The following GRIN2A variants were observed in gnomAD, a reference collection of about 807,000 sequenced individuals.
GRIN2A encodes glutamate receptor ionotropic, NMDA 2A.
GRIN2A carries 22 observed loss-of-function variants against 113.4 expected under a neutral mutation model. The ratio of observed to expected loss-of-function variants is 0.19; its 90% CI spans 0.14 to 0.28. The LOEUF (loss-of-function observed/expected upper bound fraction) is 0.28, where lower values mean the gene tolerates loss of function less well. Ranked by LOEUF, GRIN2A falls within the 10% of genes least tolerant of loss-of-function variation. The probability of loss-of-function intolerance (pLI) is 1.00; values close to 1 mark genes in which losing one functional copy is unlikely to be tolerated. For missense variants in GRIN2A, 1,502 were observed against 1,887.0 expected (o/e 0.80, Z 3.78); for synonymous variants, 827 against 738.4 (o/e 1.12, Z -1.94).
intron 2 of GRIN2A, among the ~76,000 whole-genome samples, chr16:10,092,861 C>CTT (rs33949885): frequency 0.016 from 2,340 of 142,516 alleles, 64 homozygotes; most frequent in African/African-American, 0.057. Context: ...TGAAAAGTTG[C>CTT]TTTTTTTTTT....
intron 4 of GRIN2A, among the ~76,000 whole-genome samples, chr16:9,886,792 T>G (rs2043594568): frequency 6.6e-6 from 1 of 152,228 alleles, no homozygotes; most frequent in East Asian, 1.9e-4. Flanking sequence ...TGGATATTGT[T>G]ATTATAATTG....
chr16:9,847,254 A>G (rs2042789226), intron 5 of GRIN2A, among the ~76,000 whole-genome samples: 1 of 152,160 alleles, frequency 6.6e-6, no homozygotes, highest in Non-Finnish European at 1.5e-5. Flanking sequence ...CTAAATAATT[A>G]TTTTTAAAAA....
intron 3 of GRIN2A, among the ~76,000 whole-genome samples, chr16:9,925,315 T>C (rs114510997): frequency 0.018 from 2,710 of 152,334 alleles, 84 homozygotes; most frequent in African/African-American, 0.062. Flanking sequence ...CTAGTCTGAC[T>C]AGCGGCTAAC....
chr16:9,940,739 C>G (rs974603307), intron 2 of GRIN2A, among the ~76,000 whole-genome samples: 2 of 152,180 alleles, frequency 1.3e-5, no homozygotes, highest in Non-Finnish European at 2.9e-5. Flanking sequence ...ATCACCTACA[C>G]CTTCCTACCC....
chr16:9,927,120 A>G (rs1398392793), intron 3 of GRIN2A, among the ~76,000 whole-genome samples: 2 of 152,164 alleles, frequency 1.3e-5, no homozygotes, highest in Non-Finnish European at 1.5e-5. Flanking sequence ...TTTTTAATTG[A>G]CCTGCTGGTA....
chr16:9,946,749 A>G (rs2045026555), intron 2 of GRIN2A, among the ~76,000 whole-genome samples: 1 of 152,188 alleles, frequency 6.6e-6, no homozygotes, highest in Admixed American at 6.5e-5. Context: ...AGCTTCTTTT[A>G]CTGTTAGACT....
chr16:9,765,439 A>G (rs1258458194), intron 12 of GRIN2A, among the ~76,000 whole-genome samples: 1 of 152,230 alleles, frequency 6.6e-6, no homozygotes, highest in Non-Finnish European at 1.5e-5. Context: ...CTCTTATGCA[A>G]AAGCTAACAA....
rs187768747 is a variant in GRIN2A, at chr16:9,780,229, C to T, written c.2357-11140G>A. ...AGTATCTACTAAAGTTGAGTAGACG[C>T]GCTCTATTACCCAGCAATTTCATTC... On this transcript the variant is annotated intron_variant, in intron 11 of 12. Transcript: ENST00000330684. 2.8e-3 allele frequency among the ~76,000 whole-genome samples: 434 copies of T among 152,328 alleles called. 4 individuals carry two copies. Among genetic ancestry groups the T allele is most frequent in the African/African-American group, 8.9e-3 (372 of 41,566 alleles).
intron 2 of GRIN2A, among the ~76,000 whole-genome samples, chr16:9,979,720 G>A (rs1422378126): frequency 6.6e-6 from 1 of 150,578 alleles, no homozygotes; most frequent in African/African-American, 2.4e-5. Context: ...TTCACAGAAT[G>A]AATGACTGTA....
chr16:9,773,253 T>G (rs895241597), intron 11 of GRIN2A, among the ~76,000 whole-genome samples: 1 of 152,188 alleles, frequency 6.6e-6, no homozygotes, highest in South Asian at 2.1e-4. Context: ...TTCAAATCTG[T>G]TTAGTGAGTT....
intron 4 of GRIN2A, among the ~76,000 whole-genome samples, chr16:9,864,583 G>A (rs1303258589): frequency 6.6e-6 from 1 of 152,268 alleles, no homozygotes; most frequent in East Asian, 1.9e-4. Flanking sequence ...GATCTAACAA[G>A]TCAAAAGCTG....
chr16:9,856,396 A>G (rs2042968376), intron 4 of GRIN2A, among the ~76,000 whole-genome samples: 1 of 151,996 alleles, frequency 6.6e-6, no homozygotes, highest in Admixed American at 6.6e-5. Context: ...TGAGGCGGGT[A>G]GATCACGAGG....
At chr16:9,913,521 A>G (rs1438648619) in intron 3 of GRIN2A, among the ~76,000 whole-genome samples, 1 of 152,214 alleles carries the variant, frequency 6.6e-6, no homozygotes, top group Non-Finnish European at 1.5e-5. Flanking sequence ...ATAATTAATA[A>G]TAATATTAAA....
chr16:9,881,184 T>C (rs1285339796), intron 4 of GRIN2A, among the ~76,000 whole-genome samples: 2 of 152,240 alleles, frequency 1.3e-5, no homozygotes, highest in African/African-American at 2.4e-5. Context: ...ACTACATCTA[T>C]AAACAGCGTT....
At chr16:9,862,624 G>A (rs140442201) in intron 4 of GRIN2A, among the ~76,000 whole-genome samples, 1 of 152,306 alleles carries the variant, frequency 6.6e-6, no homozygotes, top group Non-Finnish European at 1.5e-5. Flanking sequence ...TTTGTTGCCA[G>A]ATCCCTGGGG....
At chr16:9,863,508 G>C (rs944604410) in intron 4 of GRIN2A, among the ~76,000 whole-genome samples, 9 of 152,202 alleles carry the variant, frequency 5.9e-5, no homozygotes, top group African/African-American at 2.2e-4. Context: ...GCTGCACTGA[G>C]CTCTACTTTG....
At chr16:10,113,575 A>G (rs1206219661) in intron 2 of GRIN2A, among the ~76,000 whole-genome samples, 1 of 152,254 alleles carries the variant, frequency 6.6e-6, no homozygotes, top group Non-Finnish European at 1.5e-5. Flanking sequence ...TGTATTAAAT[A>G]ATCAGAATAA....
intron 3 of GRIN2A, among the ~76,000 whole-genome samples, chr16:9,929,564 T>G (rs1354426947): frequency 6.6e-6 from 1 of 152,184 alleles, no homozygotes; most frequent in East Asian, 1.9e-4. Context: ...TTCCTAGACC[T>G]GTGCTATGAT....
chr16:10,016,210 T>C (rs1006647897), intron 2 of GRIN2A, among the ~76,000 whole-genome samples: 54 of 151,272 alleles, frequency 3.6e-4, no homozygotes, highest in Middle Eastern at 3.5e-3. Context: ...GGCCCCCTAA[T>C]TCAGCCTGCA....
Sources: gnomAD v4.1 joint callset for allele counts (sites outside exome capture counted in the v4.1 genomes callset) on GRCh38, gnomAD v4.1.1 for gene constraint, MANE v1.5 for transcripts, NCBI Gene and HGNC (gene_info 2026-07-23, HGNC 2026-07-21) for gene names.